Variants in AIF1L observed in about 807,000 individuals in gnomAD.
The protein encoded by AIF1L is allograft inflammatory factor 1-like.
In AIF1L, 12 loss-of-function variants were observed where a neutral mutation model predicts 20.7. The ratio of observed to expected loss-of-function variants is 0.58; its 90% CI spans 0.37 to 0.94. AIF1L has a LOEUF of 0.94. Ranked by LOEUF, AIF1L falls within the 40% of genes least tolerant of loss-of-function variation. AIF1L has a pLI of 0.01. For synonymous variants in AIF1L, 76 were observed against 65.1 expected (o/e 1.17, Z -0.81); for missense variants, 173 against 185.3 (o/e 0.93, Z 0.39).
chr9:131,098,976 G>GCTGCTTCACC (rs930055514), intron 2 of AIF1L, among the ~76,000 whole-genome samples: 4 of 152,202 alleles, frequency 2.6e-5, no homozygotes, highest in Non-Finnish European at 5.9e-5. Flanking sequence ...GGAAGCTTGA[G>GCTGCTTCACC]CTGCTTCACC....
chr9:131,102,117 T>C (rs543842843), intron 2 of AIF1L, among the ~76,000 whole-genome samples: 8 of 152,290 alleles, frequency 5.3e-5, no homozygotes, highest in African/African-American at 1.9e-4. Flanking sequence ...TTCACCATGT[T>C]GGCCAGGCTG....
At chr9:131,109,280 C>T (rs1235457934) in intron 2 of AIF1L, among the ~76,000 whole-genome samples, 3 of 151,962 alleles carry the variant, frequency 2.0e-5, no homozygotes, top group South Asian at 2.1e-4. Context: ...GTCCACTGGC[C>T]GGGCTCAGTG....
intron 2 of AIF1L, among the ~76,000 whole-genome samples, chr9:131,100,726 G>A (rs996763194): frequency 1.2e-4 from 19 of 152,202 alleles, no homozygotes; most frequent in African/African-American, 4.3e-4. Flanking sequence ...GCCAGGCATG[G>A]CCTTATATGG....
rs555669157 is a variant in AIF1L at position 131,096,557 on chromosome 9, A to G, written c.-73A>G. 3 of 1,468,638 alleles carry G rather than the reference A, an allele frequency of 2.0e-6. No homozygotes were observed. The highest frequency in any genetic ancestry group is 2.4e-4 in the Middle Eastern group (1 of 4,188). 91.0% of individuals were successfully genotyped at this position (1,468,638 alleles called of 1,614,324 possible). A position where few individuals can be genotyped will look rare whatever the true frequency, so the allele number is the denominator to read the frequency against. The stretch of plus-strand genomic sequence containing the variant: ...CACGCAGCTAGCCGGAGCCCGGACC[A>G]GGCGCCTGTGCCTCCTCCTCGTCCC... On this transcript the variant is annotated 5_prime_UTR_variant, in exon 1 of 6. Coordinates refer to ENST00000247291, the MANE Select transcript of AIF1L (RefSeq NM_031426.4).
chr9:131,120,004 G>A (rs1182893918), intron 5 of AIF1L, among the ~76,000 whole-genome samples: 1 of 152,164 alleles, frequency 6.6e-6, no homozygotes, highest in Non-Finnish European at 1.5e-5. Flanking sequence ...GTGTGGTTCT[G>A]AGGAGTCATA....
At chr9:131,103,229 G>C (rs1259360093) in intron 2 of AIF1L, among the ~76,000 whole-genome samples, 2 of 152,214 alleles carry the variant, frequency 1.3e-5, no homozygotes, top group Admixed American at 1.3e-4. Flanking sequence ...GAGATGGGAG[G>C]GTTCAGGCAG....
At chr9:131,108,722 G>C (rs1830807075) in intron 2 of AIF1L, among the ~76,000 whole-genome samples, 1 of 152,244 alleles carries the variant, frequency 6.6e-6, no homozygotes, top group South Asian at 2.1e-4. Flanking sequence ...GGGGTGCTGA[G>C]TTAATGTGGA....
intron 2 of AIF1L, chr9:131,102,912 C>G (rs1225418283): frequency 4.4e-6 from 2 of 456,288 alleles, no homozygotes; most frequent in African/African-American, 4.0e-5. Context: ...TCCGCCCACC[C>G]CAAAATTCTG....
chr9:131,108,075 C>T (rs1370826062), intron 2 of AIF1L: 2 of 152,258 alleles, frequency 1.3e-5, no homozygotes, highest in East Asian at 3.9e-4. Context: ...TGGAGTGAGG[C>T]TGTGGCCAAG....
At chr9:131,112,029 C>G (rs1004300555) in intron 3 of AIF1L, 5 of 243,878 alleles carry the variant, frequency 2.1e-5, no homozygotes, top group Non-Finnish European at 3.2e-5. Flanking sequence ...TGCCTCTCCC[C>G]CTCCCCAGCA....
chr9:131,120,574 T>C lies in AIF1L; in HGVS notation c.*252T>C. On this transcript the variant is annotated 3_prime_UTR_variant, in exon 6 of 6. Transcript: ENST00000247291. ...CGCTCCCTGTGCAGAAGGGCTGACA[T>C]CAAACCAAAAACTAGAGGGGGCAGG... 1 of 410,496 alleles carries C rather than the reference T, an allele frequency of 2.4e-6. No homozygotes were observed. The highest frequency in any genetic ancestry group is 4.3e-6 in the Non-Finnish European group (1 of 231,416). The allele number at this position is 410,496 out of a possible 1,614,324, so 25.4% of individuals were successfully genotyped here.
At chr9:131,118,600 G>A (rs535944472) in intron 5 of AIF1L, among the ~76,000 whole-genome samples, 1 of 150,332 alleles carries the variant, frequency 6.7e-6, no homozygotes, top group South Asian at 2.1e-4. Flanking sequence ...AGGCTGGAGT[G>A]CAGTGACATG....
At chr9:131,104,069 C>T (rs999150904) in intron 2 of AIF1L, among the ~76,000 whole-genome samples, 12 of 152,190 alleles carry the variant, frequency 7.9e-5, no homozygotes, top group African/African-American at 1.9e-4. Context: ...CTCTGGTCCC[C>T]GGGGACTGAA....
At chr9:131,113,240 G>A (rs1352303839) in intron 3 of AIF1L, among the ~76,000 whole-genome samples, 2 of 151,830 alleles carry the variant, frequency 1.3e-5, no homozygotes, top group Non-Finnish European at 2.9e-5. Flanking sequence ...GCTCACACCT[G>A]TAATCCCAGC....
At chr9:131,114,209 C>T in intron 3 of AIF1L, 1 of 248,498 alleles carries the variant, frequency 4.0e-6, no homozygotes, top group Non-Finnish European at 8.1e-6. Context: ...CCTGTCCTTC[C>T]ACACCCATGA....
chr9:131,111,685 T>G, intron 3 of AIF1L, 22 bp downstream of exon 3: 1 of 1,610,398 alleles, frequency 6.2e-7, no homozygotes, highest in Non-Finnish European at 8.5e-7. Flanking sequence ...CGGGCTGCCC[T>G]GCATTTATTC....
At chr9:131,113,686 G>T (rs1446721073) in intron 3 of AIF1L, among the ~76,000 whole-genome samples, 1 of 151,994 alleles carries the variant, frequency 6.6e-6, no homozygotes, top group Non-Finnish European at 1.5e-5. Flanking sequence ...AGAAGAAAAA[G>T]AAAGGGTGGG....
intron 2 of AIF1L, among the ~76,000 whole-genome samples, chr9:131,104,724 A>G (rs1166590289): frequency 6.6e-6 from 1 of 152,076 alleles, no homozygotes; most frequent in Non-Finnish European, 1.5e-5. Flanking sequence ...AAAATAATAA[A>G]CAGCTAACAT....
Position 131,109,034 on chromosome 9 carries a change from G to A in AIF1L, c.94-2563G>A, listed in dbSNP as rs1170415900. On this transcript the variant is annotated intron_variant, in intron 2 of 5. Transcript: ENST00000247291. ...CTTGGCCATCATGTATTAGGAAGTA[G>A]GTCAAGTGATTAATGTGGGTGACAT... 3.3e-5 allele frequency among the ~76,000 whole-genome samples: 5 copies of A among 152,170 alleles called. No individual in the cohort carries two copies. In the East Asian group the frequency reaches 9.6e-4, roughly 29 times the overall value.
Sources: gnomAD v4.1 joint callset for allele counts (sites outside exome capture counted in the v4.1 genomes callset) on GRCh38, gnomAD v4.1.1 for gene constraint, MANE v1.5 for transcripts, NCBI Gene and HGNC (gene_info 2026-07-23, HGNC 2026-07-21) for gene names.